FMNL2: variants seen among roughly 807,000 people sequenced by gnomAD.
The protein encoded by FMNL2 is formin-like protein 2.
In FMNL2, 51 loss-of-function variants were observed where a neutral mutation model predicts 130.2. The observed-to-expected ratio is 0.39, with a 90% CI of 0.31 to 0.49. The LOEUF is 0.49. Ranked by LOEUF, FMNL2 falls within the 20% of genes least tolerant of loss-of-function variation. The pLI, the probability that FMNL2 is intolerant of heterozygous loss-of-function variation, is 0.85. For synonymous variants in FMNL2, 465 were observed against 467.1 expected (o/e 1.00, Z 0.06); for missense variants, 977 against 1,316.2 (o/e 0.74, Z 3.99).
chr2:152,631,980 C>T (rs373711654), intron 20 of FMNL2, 28 bp from the exon 21 acceptor site: 1 of 1,603,256 alleles, frequency 6.2e-7, no homozygotes, highest in Non-Finnish European at 8.5e-7. Context: ...TACTCTTGTA[C>T]CTAACCCACG....
At chr2:152,376,991 G>T (rs1684211574) in intron 1 of FMNL2, among the ~76,000 whole-genome samples, 1 of 152,178 alleles carries the variant, frequency 6.6e-6, no homozygotes, top group Non-Finnish European at 1.5e-5. Flanking sequence ...GCAGTATGGT[G>T]GTGTGGAAAC....
At chr2:152,479,147 G>A (rs996724319) in intron 1 of FMNL2, among the ~76,000 whole-genome samples, 3 of 151,712 alleles carry the variant, frequency 2.0e-5, no homozygotes, top group African/African-American at 4.8e-5. Flanking sequence ...GTTTTGAGAC[G>A]GTGTCTCACT....
At position 152,554,160 on chromosome 2, in the gene FMNL2, C is replaced by T. The variant is rs146593608; in HGVS notation, c.360-4580C>T. Among the ~76,000 whole-genome samples the T allele has an allele frequency of 2.4e-3, 364 of 152,270 alleles. 2 individuals are homozygous for T. The highest frequency in any genetic ancestry group is 4.2e-3 in the Non-Finnish European group (286 of 68,016). On this transcript the variant is annotated intron_variant, in intron 4 of 25. Coordinates refer to ENST00000288670, the MANE Select transcript of FMNL2 (RefSeq NM_052905.4). ...GTGCTGTGGCCTGCAGTCCCAGCAA[C>T]TTTGGAAGGCCAAGGTGGGCAGGAT... is the stretch of plus-strand genomic sequence containing the variant.
At chr2:152,407,404 A>G (rs1686044417) in intron 1 of FMNL2, among the ~76,000 whole-genome samples, 1 of 151,996 alleles carries the variant, frequency 6.6e-6, no homozygotes, top group Admixed American at 6.6e-5. Context: ...GCGGTGTGTC[A>G]GTGTCTGCCT....
chr2:152,570,338 C>T (rs1354525244), intron 6 of FMNL2, among the ~76,000 whole-genome samples: 1 of 152,034 alleles, frequency 6.6e-6, no homozygotes, highest in African/African-American at 2.4e-5. Context: ...GGAAAATTAG[C>T]AGGTAGTTCT....
intron 2 of FMNL2, among the ~76,000 whole-genome samples, chr2:152,535,940 T>G (rs1377564298): frequency 6.6e-6 from 1 of 152,254 alleles, no homozygotes; most frequent in Non-Finnish European, 1.5e-5. Flanking sequence ...TACTCTGAAA[T>G]TTCAGAATTT....
intron 11 of FMNL2, among the ~76,000 whole-genome samples, chr2:152,614,332 G>T (rs774828473): frequency 1.3e-5 from 2 of 152,246 alleles, no homozygotes; most frequent in Non-Finnish European, 2.9e-5. Flanking sequence ...GCATTTGGGA[G>T]AGCGTATTCA....
chr2:152,490,149 C>T (rs900919897), intron 1 of FMNL2, among the ~76,000 whole-genome samples: 2 of 151,876 alleles, frequency 1.3e-5, no homozygotes. Flanking sequence ...ATGTTAATTT[C>T]GCCATGGTAG....
chr2:152,464,747 C>T (rs1689432972), intron 1 of FMNL2, among the ~76,000 whole-genome samples: 1 of 152,166 alleles, frequency 6.6e-6, no homozygotes, highest in Admixed American at 6.6e-5. Context: ...AAAGCATTTT[C>T]CTCAGAGCCT....
At chr2:152,562,707 T>G (rs950004064) in intron 6 of FMNL2, among the ~76,000 whole-genome samples, 1 of 152,144 alleles carries the variant, frequency 6.6e-6, no homozygotes, top group Admixed American at 6.5e-5. Flanking sequence ...GCTTCACATG[T>G]GGGCAGGAAT....
At chr2:152,510,285 A>G (rs2105356957) in intron 1 of FMNL2, among the ~76,000 whole-genome samples, 1 of 152,352 alleles carries the variant, frequency 6.6e-6, no homozygotes, top group African/African-American at 2.4e-5. Flanking sequence ...GACAATAATT[A>G]TGCACCATCT....
chr2:152,531,821 T>C (rs1183826806), intron 2 of FMNL2, among the ~76,000 whole-genome samples: 5 of 152,186 alleles, frequency 3.3e-5, no homozygotes, highest in Non-Finnish European at 7.3e-5. Flanking sequence ...GTTTAAGATG[T>C]AGGTCTTCAT....
chr2:152,468,056 G>C (rs947241105), intron 1 of FMNL2, among the ~76,000 whole-genome samples: 18 of 152,220 alleles, frequency 1.2e-4, no homozygotes, highest in African/African-American at 4.1e-4. Flanking sequence ...CTCCTAAGTT[G>C]CTAAGGCAAA....
intron 22 of FMNL2, 126 bp downstream of exon 22, chr2:152,636,716 G>A (rs996404255): frequency 8.7e-7 from 1 of 1,154,266 alleles, no homozygotes; most frequent in African/African-American, 1.6e-5. Context: ...CTTTCTTGTT[G>A]TAACTATTAT....
chr2:152,455,181 C>T (rs1688883719), intron 1 of FMNL2, among the ~76,000 whole-genome samples: 3 of 151,932 alleles, frequency 2.0e-5, no homozygotes, highest in Admixed American at 2.0e-4. Flanking sequence ...AAGGGGAACA[C>T]CAGCACCAGA....
chr2:152,561,075 A>G (rs752693855), intron 6 of FMNL2, 40 bp downstream of exon 6: 9 of 1,547,416 alleles, frequency 5.8e-6, no homozygotes, highest in Non-Finnish European at 4.4e-6. Flanking sequence ...GGCAGGATGC[A>G]CTGGGACAGC....
intron 1 of FMNL2, among the ~76,000 whole-genome samples, chr2:152,521,417 CAT>C (rs1193695397): frequency 6.6e-6 from 1 of 152,090 alleles, no homozygotes; most frequent in East Asian, 1.9e-4. Context: ...TAAATGTTAA[CAT>C]ATGTCCTCAA....
intron 1 of FMNL2, among the ~76,000 whole-genome samples, chr2:152,494,643 G>C (rs1265518486): frequency 2.0e-5 from 3 of 152,204 alleles, no homozygotes; most frequent in Admixed American, 6.5e-5. Flanking sequence ...GTTGTTTGAA[G>C]GATGTTAAAA....
chr2:152,584,510 A>G (rs56246057), intron 9 of FMNL2, among the ~76,000 whole-genome samples: 20,188 of 152,240 alleles, frequency 0.13, 1,784 homozygotes, highest in Non-Finnish European at 0.2. Context: ...ATAAAGTAAT[A>G]TGCTTTAGAG....
Sources: gnomAD v4.1 joint callset for allele counts (sites outside exome capture counted in the v4.1 genomes callset) on GRCh38, gnomAD v4.1.1 for gene constraint, MANE v1.5 for transcripts, NCBI Gene and HGNC (gene_info 2026-07-23, HGNC 2026-07-21) for gene names.